SLC37A1: variants seen among roughly 807,000 people sequenced by gnomAD.
The protein encoded by SLC37A1 is glucose-6-phosphate exchanger SLC37A1.
Under a neutral mutation model 75.3 loss-of-function variants are expected in SLC37A1, and 49 were observed. The ratio of observed to expected loss-of-function variants is 0.65; its 90% CI spans 0.52 to 0.83. The LOEUF is 0.83. SLC37A1 is among the 40% of genes least tolerant of loss of function. SLC37A1 has a pLI of 0.00. For synonymous variants in SLC37A1, 268 were observed against 292.1 expected (o/e 0.92, Z 0.84); for missense variants, 566 against 695.0 (o/e 0.81, Z 2.09).
chr21:42,563,906 A>G lies in SLC37A1; in HGVS notation c.1135+29A>G, dbSNP rs770802770. The G allele has an allele frequency of 5.6e-6, 9 of 1,613,614 alleles. No homozygotes were observed. In the South Asian group the frequency reaches 8.8e-5, roughly 16 times the overall value. ...AGTTCATTAAGACTTGTTCTGCTGC[A>G]ACAATAATTTCGCAAGGCGCATGAT... On this transcript the variant is annotated intron_variant, in intron 13 of 19. Transcript: ENST00000352133.
At chr21:42,515,052 ATT>A (rs2054496714) in intron 1 of SLC37A1, 2 of 152,316 alleles carry the variant, frequency 1.3e-5, no homozygotes, top group African/African-American at 4.8e-5. Context: ...TTGGACCTGC[ATT>A]TACACGTTCT....
At chr21:42,579,649 T>C in intron 18 of SLC37A1, 87 bp from the exon 19 acceptor site, 1 of 1,322,580 alleles carries the variant, frequency 7.6e-7, no homozygotes, top group Non-Finnish European at 1.0e-6. Context: ...GCCCAGGCCT[T>C]GCGGGCCAGG....
intron 3 of SLC37A1, among the ~76,000 whole-genome samples, chr21:42,528,426 G>A (rs2054856682): frequency 6.6e-6 from 1 of 152,220 alleles, no homozygotes; most frequent in African/African-American, 2.4e-5. Flanking sequence ...TGAAAGCAGA[G>A]GCTTCCCGGA....
At chr21:42,523,174 G>A (rs1329728202) in intron 2 of SLC37A1, among the ~76,000 whole-genome samples, 2 of 152,098 alleles carry the variant, frequency 1.3e-5, no homozygotes, top group Non-Finnish European at 2.9e-5. Flanking sequence ...CTGGCACTGT[G>A]GTTGGAGAAT....
At chr21:42,540,965 C>T (rs192952844) in intron 6 of SLC37A1, among the ~76,000 whole-genome samples, 15 of 152,282 alleles carry the variant, frequency 9.9e-5, no homozygotes, top group African/African-American at 3.4e-4. Flanking sequence ...GTTAGACCAG[C>T]GGCTCCCAGG....
At chr21:42,519,964 T>TGTGTGTGTGTGTGTGTGTGTGTG (rs1555879905) in intron 2 of SLC37A1, among the ~76,000 whole-genome samples, 1 of 148,560 alleles carries the variant, frequency 6.7e-6, no homozygotes, top group African/African-American at 2.5e-5. Context: ...CACAGTGTGT[T>TGTGTGTGTGTGTGTGTGTGTGTG]TGTGTGTGTG....
intron 2 of SLC37A1, among the ~76,000 whole-genome samples, chr21:42,519,066 G>A (rs2054583537): frequency 6.6e-6 from 1 of 152,192 alleles, no homozygotes; most frequent in African/African-American, 2.4e-5. Flanking sequence ...GGGCTCCCTG[G>A]CCTCTAACTT....
chr21:42,518,602 A>G, intron 2 of SLC37A1, 92 bp downstream of exon 2: 1 of 1,400,572 alleles, frequency 7.1e-7, no homozygotes, highest in Non-Finnish European at 1.0e-6. Context: ...TTCATTATAA[A>G]ACACATAAAA....
rs542852125 is a variant in SLC37A1 at position 42,508,255 on chromosome 21, C to T, written c.-179+5838C>T. Among the ~76,000 whole-genome samples, 223 of 151,716 alleles carry T rather than the reference C, an allele frequency of 1.5e-3. 1 individual carries two copies. Among genetic ancestry groups the T allele is most frequent in the African/African-American group, 5.1e-3 (211 of 41,310 alleles). ...GCAATTCTTCTGCCGCAGCCTCCCC[C>T]GTAGCTATGATTACAGGTGCCCGCC... On this transcript the variant is annotated intron_variant, in intron 2 of 20. Coordinates refer to the SLC37A1 transcript ENST00000398341.
chr21:42,577,266 AT>A (rs2056328386), intron 18 of SLC37A1, among the ~76,000 whole-genome samples: 1 of 152,230 alleles, frequency 6.6e-6, no homozygotes, highest in Admixed American at 6.5e-5. Context: ...ACCATATAAA[AT>A]AGGGGCCAGC....
intron 18 of SLC37A1, among the ~76,000 whole-genome samples, chr21:42,578,952 G>C (rs1448886120): frequency 1.3e-5 from 2 of 152,218 alleles, no homozygotes; most frequent in African/African-American, 2.4e-5. Context: ...TGGGTCTGAG[G>C]GCATCTGCTG....
chr21:42,500,482 G>A (rs368981954), intron 1 of SLC37A1, among the ~76,000 whole-genome samples: 1 of 152,210 alleles, frequency 6.6e-6, no homozygotes, highest in Non-Finnish European at 1.5e-5. Context: ...GAGTAGCATA[G>A]TGCCTAGCAC....
At position 42,581,249 on chromosome 21, in the gene SLC37A1, A is replaced by G. The variant is rs1305709610; in HGVS notation, c.*889A>G. On this transcript the variant is annotated 3_prime_UTR_variant, in exon 20 of 20. Transcript: ENST00000352133. ...ACACCTGGGACTGTTTTTAATACAT[A>G]GCAACAGACTGGGTTATTTATTTAA... The G allele has an allele frequency of 6.6e-6, 1 of 152,612 alleles. No individual in the cohort carries two copies. The highest frequency in any genetic ancestry group is 1.5e-5 in the Non-Finnish European group (1 of 68,050). 9.5% of individuals were successfully genotyped at this position (152,612 alleles called of 1,614,324 possible). A position where few individuals can be genotyped will look rare whatever the true frequency, so the allele number is the denominator to read the frequency against.
At chr21:42,533,037 C>T (rs2055031060) in intron 3 of SLC37A1, among the ~76,000 whole-genome samples, 1 of 152,198 alleles carries the variant, frequency 6.6e-6, no homozygotes. Context: ...TGTCTAGCTC[C>T]GATTCAAAAG....
chr21:42,572,679 A>AC (rs1569044840), intron 17 of SLC37A1, among the ~76,000 whole-genome samples: 17 of 66,504 alleles, frequency 2.6e-4, no homozygotes, highest in Admixed American at 1.4e-3. Flanking sequence ...CACACACACA[A>AC]AAAAAAAAAA....
At chr21:42,554,347 A>G (rs1028471491) in intron 10 of SLC37A1, among the ~76,000 whole-genome samples, 1 of 152,208 alleles carries the variant, frequency 6.6e-6, no homozygotes, top group Non-Finnish European at 1.5e-5. Context: ...TAACCAGTTC[A>G]TTCATTCAGC....
upstream of SLC37A1, among the ~76,000 whole-genome samples, chr21:42,513,535 C>T (rs559755377): frequency 3.8e-3 from 579 of 151,876 alleles, 7 homozygotes; most frequent in South Asian, 0.045. Context: ...GAGGACAGAG[C>T]GCCAGGGGTG....
chr21:42,565,952 A>G (rs1444341681), intron 15 of SLC37A1, 77 bp downstream of exon 15: 1 of 1,447,802 alleles, frequency 6.9e-7, no homozygotes, highest in Non-Finnish European at 9.6e-7. Context: ...GAAATACTAA[A>G]ATCAACAGGC....
chr21:42,563,734 G>A (rs879525706), intron 12 of SLC37A1, 81 bp from the exon 13 acceptor site: 104 of 1,320,390 alleles, frequency 7.9e-5, no homozygotes, highest in Non-Finnish European at 1.1e-4. Context: ...TCCCGTGCAC[G>A]GGTCCTGTTC....
Sources: gnomAD v4.1 joint callset for allele counts (sites outside exome capture counted in the v4.1 genomes callset) on GRCh38, gnomAD v4.1.1 for gene constraint, MANE v1.5 for transcripts, NCBI Gene and HGNC (gene_info 2026-07-23, HGNC 2026-07-21) for gene names.